Variants in CFAP52 observed in about 807,000 individuals in gnomAD.
The protein encoded by CFAP52 is cilia- and flagella-associated protein 52.
In CFAP52, 57 loss-of-function variants were observed where a neutral mutation model predicts 70.5. That is an observed-to-expected ratio of 0.81 (90% confidence interval 0.65 to 1.01). The LOEUF is 1.01. Among genes scored for constraint, CFAP52 ranks in the 50% least tolerant of loss-of-function variants. CFAP52 has a pLI of 0.00. For missense variants in CFAP52, 785 were observed against 788.5 expected (o/e 1.00, Z 0.05); for synonymous variants, 267 against 292.5 (o/e 0.91, Z 0.89).
intron 8 of CFAP52, among the ~76,000 whole-genome samples, chr17:9,628,282 CTT>C (rs61617597): frequency 1.0e-4 from 14 of 139,194 alleles, no homozygotes; most frequent in Admixed American, 1.4e-4. Flanking sequence ...TCCCTATATT[CTT>C]TTTTTTTTTT....
At chr17:9,610,160 C>T (rs993492968) in intron 7 of CFAP52, 5 of 152,008 alleles carry the variant, frequency 3.3e-5, no homozygotes, top group African/African-American at 1.2e-4. Flanking sequence ...GAAATAACAT[C>T]CAAGTATTGT....
intron 3 of CFAP52, among the ~76,000 whole-genome samples, chr17:9,588,705 T>C (rs1908610202): frequency 6.6e-6 from 1 of 152,070 alleles, no homozygotes; most frequent in Non-Finnish European, 1.5e-5. Flanking sequence ...GTTTGTCATA[T>C]AGGGTCTTTA....
chr17:9,589,147 A>G (rs1190530852), intron 3 of CFAP52, among the ~76,000 whole-genome samples: 3 of 152,134 alleles, frequency 2.0e-5, no homozygotes, highest in African/African-American at 4.8e-5. Flanking sequence ...AGAACAATCA[A>G]TGCAAGACAT....
chr17:9,593,899 A>G (rs975503304), intron 3 of CFAP52, among the ~76,000 whole-genome samples: 1 of 151,670 alleles, frequency 6.6e-6, no homozygotes, highest in Non-Finnish European at 1.5e-5. Context: ...CAGGAGGCGG[A>G]GGTTGCAATG....
intron 11 of CFAP52, among the ~76,000 whole-genome samples, chr17:9,637,623 G>A (rs879385744): frequency 2.0e-5 from 3 of 152,140 alleles, no homozygotes; most frequent in Admixed American, 6.5e-5. Context: ...CTGGCCAGGC[G>A]TGCTGCAGTG....
chr17:9,591,229 G>T (rs1405539669), intron 3 of CFAP52, among the ~76,000 whole-genome samples: 1 of 151,578 alleles, frequency 6.6e-6, no homozygotes, highest in African/African-American at 2.4e-5. Flanking sequence ...TAGAGACGGG[G>T]GTCTCTTCAT....
intron 9 of CFAP52, among the ~76,000 whole-genome samples, chr17:9,631,014 GAAAGAAAGAA>G (rs1567634769): frequency 8.6e-5 from 5 of 58,360 alleles, no homozygotes; most frequent in African/African-American, 4.2e-4. Flanking sequence ...AAGAAAGAAA[GAAAGAAAGAA>G]AGAAAGAGAG....
At chr17:9,593,255 A>G (rs1258092542) in intron 3 of CFAP52, among the ~76,000 whole-genome samples, 1 of 152,142 alleles carries the variant, frequency 6.6e-6, no homozygotes, top group East Asian at 1.9e-4. Flanking sequence ...AGTGTAGGAT[A>G]AAGTTGTATG....
At chr17:9,630,179 G>T (rs886401446) in intron 9 of CFAP52, among the ~76,000 whole-genome samples, 12 of 151,372 alleles carry the variant, frequency 7.9e-5, no homozygotes, top group Non-Finnish European at 1.5e-5. Context: ...GATTGCCCTC[G>T]TACCTTCCTA....
chr17:9,636,253 G>GAAAGAA (rs1567637279), intron 11 of CFAP52, among the ~76,000 whole-genome samples: 1,161 of 107,662 alleles, frequency 0.011, 70 homozygotes, highest in South Asian at 0.022. Context: ...GAAAGAAAGA[G>GAAAGAA]AAAGAAAAAT....
chr17:9,586,548 A>G (rs1447661810), intron 2 of CFAP52, 150 bp from the exon 3 acceptor site: 1 of 1,087,074 alleles, frequency 9.2e-7, no homozygotes, highest in South Asian at 2.0e-5. Flanking sequence ...TGGGCAAAAA[A>G]GAGTGAGACT....
At chr17:9,610,265 C>G (rs534912902) in intron 7 of CFAP52, 1 of 152,212 alleles carries the variant, frequency 6.6e-6, no homozygotes, top group African/African-American at 2.4e-5. Context: ...AATTAACCTT[C>G]TAATTTTTTA....
At chr17:9,606,874 C>A (rs969841312) in intron 6 of CFAP52, among the ~76,000 whole-genome samples, 1 of 152,146 alleles carries the variant, frequency 6.6e-6, no homozygotes, top group African/African-American at 2.4e-5. Flanking sequence ...TAATTCTGGT[C>A]CTTGCCTTCA....
intron 6 of CFAP52, among the ~76,000 whole-genome samples, chr17:9,606,136 G>A (rs1191541384): frequency 2.0e-5 from 3 of 152,034 alleles, no homozygotes; most frequent in Admixed American, 1.3e-4. Context: ...TAATCTTAGC[G>A]CTTTGGGAGG....
At chr17:9,595,127 G>A (rs1908942523) in intron 4 of CFAP52, among the ~76,000 whole-genome samples, 1 of 152,090 alleles carries the variant, frequency 6.6e-6, no homozygotes, top group Non-Finnish European at 1.5e-5. Context: ...CTGACCTCAG[G>A]TGCCTGTTTG....
At chr17:9,608,038 G>A in intron 6 of CFAP52, 81 bp from the exon 7 acceptor site, 1 of 1,053,108 alleles carries the variant, frequency 9.5e-7, no homozygotes, top group Non-Finnish European at 1.3e-6. Context: ...GGAACAGGTG[G>A]TATTTGGTTA....
At chr17:9,580,318 T>TA (rs11386649) in intron 1 of CFAP52, among the ~76,000 whole-genome samples, 93,250 of 134,708 alleles carry the variant, frequency 0.69, 32,983 homozygotes, top group East Asian at 0.89. Flanking sequence ...GGACCTTTCT[T>TA]AAAAAAAAAA....
At chr17:9,631,961 T>C (rs1910562100) in intron 9 of CFAP52, among the ~76,000 whole-genome samples, 1 of 151,846 alleles carries the variant, frequency 6.6e-6, no homozygotes. Flanking sequence ...TTAGTAGAGG[T>C]GGGGTCTTGC....
rs141229371 is a variant in CFAP52 at position 9,628,677 on chromosome 17, C to G, written c.1031C>G (p.Thr344Ser). 6.2e-7 allele frequency: 1 copy of G among 1,613,634 alleles called. No homozygotes were observed. The highest frequency in any genetic ancestry group is 8.5e-7 in the Non-Finnish European group (1 of 1,179,728). ...AVEDIVFPFG[T>S]AELFATCAKK... is the part of the protein sequence containing the mutation. The stretch of plus-strand genomic sequence containing the variant: ...TCTTGATGGCTTCCTTGCAGTGGCA[C>G]TGCTGAGCTATTTGCAACCTGTGCC... Residue 344 changes from threonine to serine, a missense_variant, in exon 9 of 14, where the codon ACT (threonine) becomes AGT (serine). Physicochemically the swap from Thr to Ser is moderately conservative, Grantham distance 58. Coordinates refer to ENST00000352665, the MANE Select transcript of CFAP52 (RefSeq NM_145054.5).
Sources: allele counts gnomAD v4.1 joint callset (sites outside exome capture counted in the v4.1 genomes callset), GRCh38; gene constraint gnomAD v4.1.1; transcripts MANE v1.5; gene names NCBI Gene and HGNC (gene_info 2026-07-23, HGNC 2026-07-21).